TRAPPC9: variants seen among roughly 807,000 people sequenced by gnomAD.
TRAPPC9 encodes IKK2 binding protein.
In TRAPPC9, 83 loss-of-function variants were observed where a neutral mutation model predicts 124.0. The observed-to-expected ratio is 0.67, with a 90% confidence interval of 0.56 to 0.80. The LOEUF is 0.80. Among genes scored for constraint, TRAPPC9 ranks in the 30% least tolerant of loss-of-function variants. The pLI, the probability that TRAPPC9 is intolerant of heterozygous loss-of-function variation, is 0.00. For synonymous variants in TRAPPC9, 638 were observed against 617.5 expected, an observed-to-expected ratio of 1.03 and a Z score of -0.49; for missense variants, 1,302 against 1,508.3, an observed-to-expected ratio of 0.86 and a Z score of 2.27.
chr8:140,155,640 TA>T (rs2061615699), intron 17 of TRAPPC9, among the ~76,000 whole-genome samples: 1 of 152,204 alleles, frequency 6.6e-6, no homozygotes, highest in African/African-American at 2.4e-5. Flanking sequence ...TCGTTTGTTT[TA>T]ATACGTAACC....
In TRAPPC9 at chr8:139,917,532, C is replaced by T. The variant is rs550360978; in HGVS notation, c.2811-7232G>A. ...ATAAGCTGTATTTTGAAAGTCAAAG[C>T]TCTAGGTGATCCAATCAAAGCACCA... On this transcript the variant is annotated intron_variant, in intron 19 of 22. Coordinates refer to ENST00000438773, the MANE Select transcript of TRAPPC9 (RefSeq NM_001160372.4). Among the ~76,000 whole-genome samples the T allele has an allele frequency of 6.6e-5, 10 of 152,270 alleles. No individual in the cohort carries two copies. In the South Asian group the frequency reaches 1.7e-3, roughly 25 times the overall value.
intron 17 of TRAPPC9, among the ~76,000 whole-genome samples, chr8:140,034,606 A>T (rs1840758162): frequency 6.6e-6 from 1 of 152,244 alleles, no homozygotes; most frequent in South Asian, 2.1e-4. Flanking sequence ...CCCCACATGC[A>T]TTCCGTTTAA....
intron 4 of TRAPPC9, among the ~76,000 whole-genome samples, chr8:140,427,919 CATGT>C (rs1404458608): frequency 6.6e-6 from 1 of 152,180 alleles, no homozygotes; most frequent in African/African-American, 2.4e-5. Flanking sequence ...TAACAAATAT[CATGT>C]ATGACCTTCA....
At chr8:140,263,567 T>A (rs2064506504) in intron 15 of TRAPPC9, among the ~76,000 whole-genome samples, 1 of 152,148 alleles carries the variant, frequency 6.6e-6, no homozygotes, top group Non-Finnish European at 1.5e-5. Flanking sequence ...AACAGTACCT[T>A]ACAGGAGGAA....
chr8:140,109,235 C>A (rs140943372), intron 17 of TRAPPC9, among the ~76,000 whole-genome samples: 456 of 152,218 alleles, frequency 3.0e-3, no homozygotes, highest in Non-Finnish European at 5.4e-3. Flanking sequence ...ACCAGGACAA[C>A]CCAAGTGATT....
chr8:140,039,995 G>A (rs1000185127), intron 17 of TRAPPC9: 2 of 152,228 alleles, frequency 1.3e-5, no homozygotes, highest in Non-Finnish European at 2.9e-5. Context: ...CCCTCTCCCA[G>A]GAGCAAGACC....
chr8:139,882,563 C>T (rs1208674564), intron 21 of TRAPPC9, among the ~76,000 whole-genome samples: 3 of 152,182 alleles, frequency 2.0e-5, no homozygotes, highest in African/African-American at 7.2e-5. Flanking sequence ...TCACCCTGCA[C>T]TGAGCCCAGC....
chr8:139,883,184 CAT>C (rs1829784432), intron 21 of TRAPPC9, among the ~76,000 whole-genome samples: 1 of 152,208 alleles, frequency 6.6e-6, no homozygotes, highest in African/African-American at 2.4e-5. Context: ...TGAGCTAGCA[CAT>C]GAGTACGCTC....
intron 19 of TRAPPC9, among the ~76,000 whole-genome samples, chr8:139,981,744 T>C (rs1836910584): frequency 6.6e-6 from 1 of 152,194 alleles, no homozygotes. Flanking sequence ...CAAAGCATCC[T>C]CGAGGAGAAG....
chr8:139,807,293 G>A (rs1824134115), intron 21 of TRAPPC9, among the ~76,000 whole-genome samples: 1 of 152,218 alleles, frequency 6.6e-6, no homozygotes, highest in Non-Finnish European at 1.5e-5. Context: ...ACAGGGATCA[G>A]AGACCCAACC....
intron 1 of TRAPPC9, among the ~76,000 whole-genome samples, chr8:140,455,769 C>T: frequency 6.6e-6 from 1 of 152,126 alleles, no homozygotes; most frequent in African/African-American, 2.4e-5. Flanking sequence ...GTGAAAACAA[C>T]ACAAATGTCC....
rs139006299 is a variant in TRAPPC9 at position 140,010,823 on chromosome 8, T to C, written c.2699+13114A>G. 1.8e-4 allele frequency among the ~76,000 whole-genome samples: 27 copies of C among 152,240 alleles called. No individual in the cohort carries two copies. The East Asian group carries it at 4.6e-3, about 26-fold the overall frequency. On this transcript the variant is annotated intron_variant, in intron 18 of 22. Coordinates refer to ENST00000438773, the MANE Select transcript of TRAPPC9 (RefSeq NM_001160372.4). ...CACCCACGTATGCACAAAGTTTATA[T>C]ACAAGAATGTCCAATGCAAAACTGC... is the stretch of plus-strand genomic sequence containing the variant.
intron 17 of TRAPPC9, among the ~76,000 whole-genome samples, chr8:140,176,040 T>A (rs924501385): frequency 6.6e-6 from 1 of 152,176 alleles, no homozygotes; most frequent in Admixed American, 6.5e-5. Flanking sequence ...CCGTCGCAAC[T>A]CAGTGTGTGC....
At chr8:139,738,220 AG>A (rs1173628917) in intron 21 of TRAPPC9, among the ~76,000 whole-genome samples, 2 of 152,146 alleles carry the variant, frequency 1.3e-5, no homozygotes, top group Non-Finnish European at 2.9e-5. Context: ...AGCCCGTGGT[AG>A]GGGGGTCATG....
intron 17 of TRAPPC9, among the ~76,000 whole-genome samples, chr8:140,149,731 A>T (rs1210257880): frequency 6.6e-6 from 1 of 152,146 alleles, no homozygotes; most frequent in Admixed American, 6.5e-5. Flanking sequence ...TCTGACTCGA[A>T]TGTACGTGAG....
At chr8:140,107,576 A>G (rs1483004103) in intron 17 of TRAPPC9, among the ~76,000 whole-genome samples, 1 of 152,266 alleles carries the variant, frequency 6.6e-6, no homozygotes, top group Non-Finnish European at 1.5e-5. Flanking sequence ...CCTCAGTTCC[A>G]GCAATGCCTC....
At chr8:140,179,046 A>G (rs1485246904) in intron 17 of TRAPPC9, among the ~76,000 whole-genome samples, 3 of 152,134 alleles carry the variant, frequency 2.0e-5, no homozygotes, top group Non-Finnish European at 4.4e-5. Flanking sequence ...CTCTTCAGAG[A>G]ACAAGCTCTT....
chr8:140,214,930 T>C (rs1270167880), intron 17 of TRAPPC9, among the ~76,000 whole-genome samples: 1 of 152,150 alleles, frequency 6.6e-6, no homozygotes, highest in African/African-American at 2.4e-5. Context: ...TCGGTGATAG[T>C]TTTATAGGTT....
chr8:140,245,093 C>A (rs751429195), intron 16 of TRAPPC9, among the ~76,000 whole-genome samples: 1 of 152,128 alleles, frequency 6.6e-6, no homozygotes, highest in South Asian at 2.1e-4. Flanking sequence ...CACGAGCCAC[C>A]GCGCCTGGCC....
Sources: allele counts gnomAD v4.1 joint callset (sites outside exome capture counted in the v4.1 genomes callset), GRCh38; gene constraint gnomAD v4.1.1; transcripts MANE v1.5; gene names NCBI Gene and HGNC (gene_info 2026-07-23, HGNC 2026-07-21).